The following ERC1 variants were observed in gnomAD, a reference collection of about 807,000 sequenced individuals.
The protein encoded by ERC1 is ELKS/RAB6-interacting/CAST family member 1.
In ERC1, 56 loss-of-function variants were observed where a neutral mutation model predicts 132.0. That is an observed-to-expected ratio of 0.42 (90% confidence interval 0.34 to 0.53). ERC1 has a LOEUF of 0.53. ERC1 is among the 20% of genes least tolerant of loss of function. The probability of loss-of-function intolerance (pLI) is 0.03; values close to 1 mark genes in which losing one functional copy is unlikely to be tolerated. For synonymous variants in ERC1, 478 were observed against 476.1 expected, an observed-to-expected ratio of 1.00 and a Z score of -0.05; for missense variants, 1,202 against 1,349.9, an observed-to-expected ratio of 0.89 and a Z score of 1.72.
At chr12:1,384,893 C>A (rs866699815) in intron 16 of ERC1, among the ~76,000 whole-genome samples, 12 of 152,140 alleles carry the variant, frequency 7.9e-5, no homozygotes, top group African/African-American at 2.4e-4. Context: ...ATGGTTAAAT[C>A]TAAAATTATG....
chr12:1,128,245 T>C (rs1222505431), intron 7 of ERC1, among the ~76,000 whole-genome samples: 1 of 152,052 alleles, frequency 6.6e-6, no homozygotes, highest in Admixed American at 6.5e-5. Context: ...CGCTGGATAA[T>C]AGAACGAGAG....
intron 8 of ERC1, among the ~76,000 whole-genome samples, chr12:1,159,740 G>C (rs1042264385): frequency 6.6e-6 from 1 of 151,894 alleles, no homozygotes; most frequent in Non-Finnish European, 1.5e-5. Flanking sequence ...CTTCCATCTT[G>C]ACTTGTTTAG....
At chr12:1,407,467 G>A (rs1366754673) in intron 16 of ERC1, among the ~76,000 whole-genome samples, 1 of 151,826 alleles carries the variant, frequency 6.6e-6, no homozygotes, top group Non-Finnish European at 1.5e-5. Context: ...CCAGAGGATG[G>A]CTTGAGGCCA....
At chr12:1,258,428 C>T (rs2076944377) in intron 13 of ERC1, among the ~76,000 whole-genome samples, 1 of 152,216 alleles carries the variant, frequency 6.6e-6, no homozygotes, top group African/African-American at 2.4e-5. Flanking sequence ...TAGAATCACT[C>T]TTACACTTGG....
intron 13 of ERC1, among the ~76,000 whole-genome samples, chr12:1,251,455 G>A (rs1489614596): frequency 1.3e-5 from 2 of 152,008 alleles, no homozygotes; most frequent in African/African-American, 4.8e-5. Flanking sequence ...GAGTTTTTAT[G>A]GTGTTCTTAA....
chr12:1,150,326 A>C (rs1367621615), intron 8 of ERC1, among the ~76,000 whole-genome samples: 1 of 152,210 alleles, frequency 6.6e-6, no homozygotes, highest in Non-Finnish European at 1.5e-5. Context: ...CATGGCAGTA[A>C]AAATAGAACA....
intron 2 of ERC1, among the ~76,000 whole-genome samples, chr12:1,038,548 A>T (rs534691341): frequency 6.6e-6 from 1 of 152,124 alleles, no homozygotes; most frequent in African/African-American, 2.4e-5. Flanking sequence ...TTTAGTAGAG[A>T]CAGGGTTTCA....
At chr12:1,002,976 C>G (rs1250375307) in intron 1 of ERC1, among the ~76,000 whole-genome samples, 3 of 149,986 alleles carry the variant, frequency 2.0e-5, no homozygotes, top group Non-Finnish European at 4.4e-5. Flanking sequence ...GGAGGCCAGG[C>G]ACCGTGGCTC....
At chr12:1,066,591 C>G (rs1939235447) in intron 2 of ERC1, among the ~76,000 whole-genome samples, 1 of 152,126 alleles carries the variant, frequency 6.6e-6, no homozygotes, top group Non-Finnish European at 1.5e-5. Context: ...AATCCCAGCA[C>G]TTTGGGAGAC....
At chr12:1,427,671 C>T (rs1189849568) in intron 17 of ERC1, among the ~76,000 whole-genome samples, 1 of 152,026 alleles carries the variant, frequency 6.6e-6, no homozygotes, top group Non-Finnish European at 1.5e-5. Flanking sequence ...GCGTGGTGGT[C>T]GTGTAACTGC....
chr12:1,480,893 C>T (rs1435606728), intron 18 of ERC1: 5 of 702,358 alleles, frequency 7.1e-6, no homozygotes, highest in African/African-American at 1.7e-5. Context: ...TCATGTGATG[C>T]TCATGGTAAG....
rs569693151 is a variant in ERC1, at chr12:1,039,954, A to G, written c.669+11382A>G. Among the ~76,000 whole-genome samples the G allele has an allele frequency of 3.9e-5, 6 of 152,280 alleles. 1 individual carries two copies. In the East Asian group the frequency reaches 1.2e-3, roughly 29 times the overall value. On this transcript the variant is annotated intron_variant, in intron 2 of 18. Transcript: ENST00000360905. ...TTTGGTTCTCTGTCTTTATTGTGGT[A>G]TTTTTGTTTGACAGCAGATACCTTG...
At chr12:1,108,240 T>A (rs1195059687) in intron 4 of ERC1, among the ~76,000 whole-genome samples, 2 of 152,208 alleles carry the variant, frequency 1.3e-5, no homozygotes, top group Admixed American at 6.5e-5. Flanking sequence ...GATTTGGTAG[T>A]GAGGGTGCTA....
chr12:1,129,317 CAACAACAAAACT>C (rs138739206), intron 7 of ERC1, among the ~76,000 whole-genome samples: 102,187 of 140,750 alleles, frequency 0.73, 35,286 homozygotes, highest in East Asian at 0.95. Context: ...CAAACAACAA[CAACAACAAAACT>C]AACAACAACA....
At chr12:1,262,086 C>T (rs2077179286) in intron 13 of ERC1, among the ~76,000 whole-genome samples, 2 of 152,118 alleles carry the variant, frequency 1.3e-5, no homozygotes, top group Non-Finnish European at 2.9e-5. Flanking sequence ...ATATCTTTTC[C>T]TGATATGAGT....
At chr12:1,092,041 C>T (rs1224552966) in intron 3 of ERC1, among the ~76,000 whole-genome samples, 1 of 146,524 alleles carries the variant, frequency 6.8e-6, no homozygotes, top group African/African-American at 2.5e-5. Flanking sequence ...CTCTGTTGCC[C>T]AGGCTGGAGT....
chr12:1,413,933 G>A (rs187841433), intron 17 of ERC1, among the ~76,000 whole-genome samples: 28 of 152,288 alleles, frequency 1.8e-4, no homozygotes, highest in Non-Finnish European at 2.1e-4. Context: ...TTTCCACAAC[G>A]GGGGCTTGGG....
intron 18 of ERC1, among the ~76,000 whole-genome samples, chr12:1,453,343 C>T (rs796412666): frequency 1.1e-4 from 16 of 152,300 alleles, no homozygotes; most frequent in African/African-American, 3.6e-4. Flanking sequence ...TGCCTAATGT[C>T]AGCACAAGAG....
At chr12:1,278,166 AG>A (rs2078412785) in intron 14 of ERC1, among the ~76,000 whole-genome samples, 1 of 152,260 alleles carries the variant, frequency 6.6e-6, no homozygotes, top group Non-Finnish European at 1.5e-5. Flanking sequence ...AAAAGCCAAC[AG>A]GGCTGCCACT....
Sources: gnomAD v4.1 joint callset for allele counts (sites outside exome capture counted in the v4.1 genomes callset) on GRCh38, gnomAD v4.1.1 for gene constraint, MANE v1.5 for transcripts, NCBI Gene and HGNC (gene_info 2026-07-23, HGNC 2026-07-21) for gene names.